FBN2: variants seen among roughly 807,000 people sequenced by gnomAD.
FBN2 encodes fibrillin-2.
Under a neutral mutation model 355.6 loss-of-function variants are expected in FBN2, and 105 were observed. The ratio of observed to expected loss-of-function variants is 0.30; its 90% CI spans 0.25 to 0.35. The LOEUF (loss-of-function observed/expected upper bound fraction) is 0.35. FBN2 is among the 10% of genes least tolerant of loss of function. The pLI is 1.00. For synonymous variants in FBN2, 1,350 were observed against 1,301.2 expected (o/e 1.04, Z -0.81); for missense variants, 3,280 against 3,758.7 (o/e 0.87, Z 3.33).
chr5:128,452,146 T>A (rs910004760), intron 6 of FBN2, among the ~76,000 whole-genome samples: 1 of 152,148 alleles, frequency 6.6e-6, no homozygotes, highest in Non-Finnish European at 1.5e-5. Context: ...TAAAAAAGCA[T>A]GCCTCAAGCC....
rs567685663 is a variant in FBN2, at chr5:128,479,525, G to A, written c.629-14604C>T. 4.6e-5 allele frequency among the ~76,000 whole-genome samples: 7 copies of A among 152,194 alleles called. No individual in the cohort carries two copies. The South Asian group carries it at 1.5e-3, about 32-fold the overall frequency. On this transcript the variant is annotated intron_variant, in intron 5 of 64. Transcript: ENST00000262464. ...TCCTTATGCCCACTTTAGAGATGAGGAAACTCAAGCACAGTGAGATAAGGT... is the reference window on the plus strand; with the variant it reads ...TCCTTATGCCCACTTTAGAGATGAGAAAACTCAAGCACAGTGAGATAAGGT...
At position 128,450,050 on chromosome 5, in the gene FBN2, G is replaced by A. The variant is rs1754196264; in HGVS notation, c.827-3444C>T. ...TCCTGGAGCAAGGGTAATTTCAGCA[G>A]ATAAAGCTGAAAACAGAAATAGATA... On this transcript the variant is annotated intron_variant, in intron 6 of 64. Transcript: ENST00000262464. Among the ~76,000 whole-genome samples the A allele has an allele frequency of 2.6e-5, 4 of 152,044 alleles. No homozygotes were observed. The South Asian group carries it at 8.3e-4, about 31-fold the overall frequency.
chr5:128,450,508 C>T (rs1259726461), intron 6 of FBN2, among the ~76,000 whole-genome samples: 1 of 151,878 alleles, frequency 6.6e-6, no homozygotes, highest in East Asian at 1.9e-4. Context: ...GAAGATACAC[C>T]ATATCAAAAT....
At position 128,345,309 on chromosome 5, in the gene FBN2, G is replaced by A. The variant is rs756053515; in HGVS notation, c.3217+48C>T. Reference sequence around the variant, plus strand: ...AACCAATTCTCAGAGAATGTGGAAGGCTTCCTGTTGGTGAAGAAGGACCAA... The same window carrying A: ...AACCAATTCTCAGAGAATGTGGAAGACTTCCTGTTGGTGAAGAAGGACCAA... On this transcript the variant is annotated intron_variant, in intron 24 of 64. Transcript: ENST00000262464. 1.1e-5 allele frequency: 15 copies of A among 1,412,758 alleles called. No individual in the cohort carries two copies. In the African/African-American group the frequency reaches 1.1e-4, roughly 11 times the overall value. The allele number at this position is 1,412,758 out of a possible 1,614,324, so 87.5% of individuals were successfully genotyped here.
intron 8 of FBN2, among the ~76,000 whole-genome samples, chr5:128,397,315 A>G (rs1253706354): frequency 6.6e-6 from 1 of 152,234 alleles, no homozygotes; most frequent in African/African-American, 2.4e-5. Context: ...TTAAAATAAG[A>G]AAGTTCCAAA....
chr5:128,476,936 T>C lies in FBN2; in HGVS notation c.629-12015A>G, dbSNP rs1025139237. ...CATAGAAAGCTTTTAACTAATGTGA[T>C]TGATGACTTACCACCAGAAAAGAAC... On this transcript the variant is annotated intron_variant, in intron 5 of 64. Transcript: ENST00000262464. Among the ~76,000 whole-genome samples the C allele has an allele frequency of 4.6e-5, 7 of 152,310 alleles. No homozygotes were observed. In the East Asian group the frequency reaches 5.8e-4, roughly 13 times the overall value.
At chr5:128,407,749 A>G (rs1051308462) in intron 8 of FBN2, among the ~76,000 whole-genome samples, 4 of 152,148 alleles carry the variant, frequency 2.6e-5, no homozygotes, top group African/African-American at 9.7e-5. Flanking sequence ...TCTAGCTTAC[A>G]TCCTTGACTC....
chr5:128,464,754 T>C lies in FBN2; in HGVS notation c.796A>G (p.Ile266Val), dbSNP rs1242633541. 3 of 1,613,868 alleles carry C rather than the reference T, an allele frequency of 1.9e-6. No individual in the cohort carries two copies. Among genetic ancestry groups the C allele is most frequent in the Non-Finnish European group, 2.5e-6 (3 of 1,179,954 alleles). ...CAAGCTCCAGTGCGGATGTTGGGGA[T>C]GAAACCCCGTCGGCAGGGCTGAGGC... Reference protein sequence around the residue: ...AQPQPCRRGFIPNIRTGACQD... With the variant: ...AQPQPCRRGFVPNIRTGACQD... The change falls in exon 6 of 65, where the codon ATC becomes GTC. Residue 266 changes from isoleucine (I) to valine (V), a missense_variant. Coordinates refer to ENST00000262464, the MANE Select transcript of FBN2 (RefSeq NM_001999.4).
At chr5:128,504,628 GA>G (rs1755905585) in intron 5 of FBN2, among the ~76,000 whole-genome samples, 1 of 152,188 alleles carries the variant, frequency 6.6e-6, no homozygotes. Flanking sequence ...GTCCCATTTG[GA>G]ACAGGTGTAT....
intron 19 of FBN2, among the ~76,000 whole-genome samples, chr5:128,359,164 T>C (rs1448621793): frequency 1.3e-5 from 2 of 152,062 alleles, no homozygotes; most frequent in Non-Finnish European, 2.9e-5. Flanking sequence ...ATCTGAAATA[T>C]AGAAGAACTT....
chr5:128,515,917 A>G (rs1218061279), intron 5 of FBN2, among the ~76,000 whole-genome samples: 1 of 152,214 alleles, frequency 6.6e-6, no homozygotes, highest in Non-Finnish European at 1.5e-5. Context: ...TTGTAGTAGT[A>G]ATTTATGTAT....
chr5:128,308,346 T>C (rs1156460086), intron 41 of FBN2, among the ~76,000 whole-genome samples: 2 of 152,142 alleles, frequency 1.3e-5, no homozygotes, highest in African/African-American at 2.4e-5. Flanking sequence ...TGGAACATAA[T>C]AATGGCAAGA....
At chr5:128,276,424 A>G (rs955231051) in intron 58 of FBN2, among the ~76,000 whole-genome samples, 23 of 152,224 alleles carry the variant, frequency 1.5e-4, no homozygotes, top group African/African-American at 5.1e-4. Context: ...TTAGATTAAT[A>G]TACTTTGGTT....
At chr5:128,431,132 G>A (rs1034452751) in intron 7 of FBN2, among the ~76,000 whole-genome samples, 1 of 152,226 alleles carries the variant, frequency 6.6e-6, no homozygotes, top group African/African-American at 2.4e-5. Context: ...AGAAAAAATA[G>A]GAGGTGATAG....
chr5:128,451,457 T>C (rs1561463706), intron 6 of FBN2, among the ~76,000 whole-genome samples: 1 of 152,170 alleles, frequency 6.6e-6, no homozygotes, highest in African/African-American at 2.4e-5. Flanking sequence ...TGGAGTGCAA[T>C]GGTGCGATCT....
At chr5:128,382,530 C>G (rs1752259459) in intron 11 of FBN2, among the ~76,000 whole-genome samples, 1 of 152,056 alleles carries the variant, frequency 6.6e-6, no homozygotes, top group African/African-American at 2.4e-5. Flanking sequence ...ATCTGTAACT[C>G]TACCCCGGAC....
intron 44 of FBN2, among the ~76,000 whole-genome samples, 164 bp downstream of exon 44, chr5:128,305,346 TA>T (rs1749838626): frequency 6.6e-6 from 1 of 152,208 alleles, no homozygotes; most frequent in South Asian, 2.1e-4. Flanking sequence ...TGAAGAGATC[TA>T]TTTTCTTAAC....
At chr5:128,347,394 T>G (rs1751210917) in intron 23 of FBN2, among the ~76,000 whole-genome samples, 1 of 152,220 alleles carries the variant, frequency 6.6e-6, no homozygotes, top group Non-Finnish European at 1.5e-5. Context: ...GTCAGTACAC[T>G]GGCCACATAA....
intron 55 of FBN2, among the ~76,000 whole-genome samples, chr5:128,281,626 A>G (rs528359984): frequency 6.6e-6 from 1 of 152,064 alleles, no homozygotes; most frequent in Non-Finnish European, 1.5e-5. Flanking sequence ...TGGTCCACTT[A>G]TATTATTTCT....
Sources: gnomAD v4.1 joint callset for allele counts (sites outside exome capture counted in the v4.1 genomes callset) on GRCh38, gnomAD v4.1.1 for gene constraint, MANE v1.5 for transcripts, NCBI Gene and HGNC (gene_info 2026-07-23, HGNC 2026-07-21) for gene names.